Variants in NAV3 observed in about 807,000 individuals in gnomAD.
NAV3 encodes pore membrane and/or filament interacting like protein 1.
NAV3 carries 87 observed loss-of-function variants against 244.7 expected under a neutral mutation model. The observed-to-expected ratio is 0.36, with a 90% confidence interval of 0.30 to 0.42. The LOEUF (loss-of-function observed/expected upper bound fraction) is 0.42. NAV3 is among the 20% of genes least tolerant of loss of function. The pLI is 1.00. For synonymous variants in NAV3, 1,126 were observed against 1,042.2 expected (o/e 1.08, Z -1.55); for missense variants, 2,663 against 2,893.3 (o/e 0.92, Z 1.83).
chr12:77,601,301 G>A (rs983733939), intron 2 of NAV3, among the ~76,000 whole-genome samples: 6 of 151,966 alleles, frequency 3.9e-5, no homozygotes, highest in African/African-American at 1.4e-4. Flanking sequence ...CAAAGCTCAT[G>A]TACTTTACAA....
intron 9 of NAV3, among the ~76,000 whole-genome samples, chr12:78,035,457 G>A (rs954488512): frequency 2.0e-5 from 3 of 152,066 alleles, no homozygotes; most frequent in African/African-American, 7.2e-5. Context: ...TTTTGTGGTG[G>A]TATAGTGTAC....
At chr12:77,672,548 G>A (rs1367111492) in intron 2 of NAV3, among the ~76,000 whole-genome samples, 1 of 152,024 alleles carries the variant, frequency 6.6e-6, no homozygotes, top group African/African-American at 2.4e-5. Flanking sequence ...AAGTGTGTGT[G>A]TATGTGTGTG....
chr12:77,588,924 T>C (rs935399938), intron 2 of NAV3, among the ~76,000 whole-genome samples: 14 of 152,180 alleles, frequency 9.2e-5, no homozygotes, highest in African/African-American at 3.1e-4. Context: ...CACTAGGGAA[T>C]GAAGGCAGTG....
intron 9 of NAV3, among the ~76,000 whole-genome samples, chr12:78,029,261 T>G (rs1485971492): frequency 6.6e-6 from 1 of 151,872 alleles, no homozygotes; most frequent in Admixed American, 6.6e-5. Context: ...ACATTGATAA[T>G]GAGGCTCCAG....
intron 2 of NAV3, among the ~76,000 whole-genome samples, chr12:77,633,892 G>A (rs955151441): frequency 2.0e-5 from 3 of 152,026 alleles, no homozygotes; most frequent in Non-Finnish European, 4.4e-5. Flanking sequence ...TAACATTTTC[G>A]TGTTAAATTC....
At chr12:77,982,974 G>A (rs1869836219) in intron 5 of NAV3, among the ~76,000 whole-genome samples, 1 of 152,116 alleles carries the variant, frequency 6.6e-6, no homozygotes, top group Non-Finnish European at 1.5e-5. Context: ...GAGATGGGTG[G>A]ATAGCACAAA....
At chr12:77,770,311 T>C (rs1218936392) in intron 2 of NAV3, among the ~76,000 whole-genome samples, 2 of 152,138 alleles carry the variant, frequency 1.3e-5, no homozygotes, top group African/African-American at 4.8e-5. Context: ...CTTGCAATCT[T>C]AGAGGTATAG....
intron 2 of NAV3, among the ~76,000 whole-genome samples, chr12:77,767,260 A>G (rs1452932910): frequency 6.6e-6 from 1 of 152,240 alleles, no homozygotes; most frequent in East Asian, 1.9e-4. Context: ...ATATGAGATA[A>G]TATTTGTAAA....
intron 5 of NAV3, among the ~76,000 whole-genome samples, chr12:77,981,352 T>C (rs1250738076): frequency 6.6e-6 from 1 of 152,178 alleles, no homozygotes; most frequent in Non-Finnish European, 1.5e-5. Flanking sequence ...TTTATAGCAG[T>C]TCACAAGGAT....
At chr12:78,187,539 A>C (rs1300312140) in intron 31 of NAV3, among the ~76,000 whole-genome samples, 1 of 151,900 alleles carries the variant, frequency 6.6e-6, no homozygotes, top group Non-Finnish European at 1.5e-5. Context: ...TATATGTAGA[A>C]ATTTCTCAAA....
intron 1 of NAV3, among the ~76,000 whole-genome samples, chr12:77,905,074 G>A (rs752470170): frequency 6.6e-6 from 1 of 152,100 alleles, no homozygotes; most frequent in Non-Finnish European, 1.5e-5. Context: ...GTCTCCAAAT[G>A]CATTTGAATT....
intron 2 of NAV3, among the ~76,000 whole-genome samples, chr12:77,793,892 T>C (rs1016024301): frequency 9.2e-5 from 14 of 152,218 alleles, no homozygotes; most frequent in Non-Finnish European, 1.3e-4. Context: ...CTTTGGGGAA[T>C]CACCACAATG....
At chr12:78,134,016 T>C (rs1956273574) in intron 18 of NAV3, among the ~76,000 whole-genome samples, 2 of 152,162 alleles carry the variant, frequency 1.3e-5, no homozygotes, top group Non-Finnish European at 2.9e-5. Context: ...CAGATTCATT[T>C]TTCATCTTGC....
At chr12:77,841,280 CAA>C (rs1162467895) in intron 1 of NAV3, among the ~76,000 whole-genome samples, 3 of 152,074 alleles carry the variant, frequency 2.0e-5, no homozygotes, top group Admixed American at 6.5e-5. Flanking sequence ...AAAGCAAAAA[CAA>C]ATAAATAAAA....
At chr12:78,116,594 T>C (rs2694680) in intron 12 of NAV3, among the ~76,000 whole-genome samples, 178 bp from the exon 13 acceptor site, 55,050 of 152,074 alleles carry the variant, frequency 0.36, 10,766 homozygotes, top group Non-Finnish European at 0.46. Flanking sequence ...GTTATTCTTA[T>C]GTAGACCCTC....
intron 2 of NAV3, among the ~76,000 whole-genome samples, chr12:77,631,398 C>A (rs1344313835): frequency 6.6e-6 from 1 of 151,074 alleles, no homozygotes; most frequent in Non-Finnish European, 1.5e-5. Context: ...CATTTTATAG[C>A]GATTAAATCA....
intron 8 of NAV3, chr12:78,010,904 G>T (rs1180353109): frequency 1.3e-5 from 2 of 151,918 alleles, no homozygotes; most frequent in Non-Finnish European, 2.9e-5. Context: ...CACACACTGG[G>T]TGTTCAGAGT....
intron 2 of NAV3, among the ~76,000 whole-genome samples, chr12:77,694,256 G>C (rs1040600164): frequency 2.0e-5 from 3 of 151,670 alleles, no homozygotes; most frequent in African/African-American, 7.3e-5. Context: ...CTTGAGGTCA[G>C]GAGATGGAGA....
At chr12:77,741,385 T>A (rs1868333200) in intron 2 of NAV3, among the ~76,000 whole-genome samples, 1 of 152,132 alleles carries the variant, frequency 6.6e-6, no homozygotes, top group Non-Finnish European at 1.5e-5. Flanking sequence ...ATTTTTTACA[T>A]ACATTTTACA....
Sources: allele counts gnomAD v4.1 joint callset (sites outside exome capture counted in the v4.1 genomes callset), GRCh38; gene constraint gnomAD v4.1.1; transcripts MANE v1.5; gene names NCBI Gene and HGNC (gene_info 2026-07-23, HGNC 2026-07-21).